Variants in VAT1L observed in about 807,000 individuals in gnomAD.
The protein encoded by VAT1L is vesicle amine transport 1 like.
VAT1L carries 34 observed loss-of-function variants against 44.1 expected under a neutral mutation model. That is an observed-to-expected ratio of 0.77 (90% CI 0.59 to 1.03). VAT1L has a LOEUF of 1.03. Ranked by LOEUF, VAT1L falls within the 50% of genes least tolerant of loss-of-function variation. VAT1L has a pLI of 0.00. For synonymous variants in VAT1L, 253 were observed against 202.2 expected (o/e 1.25, Z -2.13); for missense variants, 615 against 538.8 (o/e 1.14, Z -1.40).
chr16:77,867,721 A>G (rs576402538), intron 4 of VAT1L, among the ~76,000 whole-genome samples: 1 of 152,128 alleles, frequency 6.6e-6, no homozygotes, highest in African/African-American at 2.4e-5. Context: ...TAGCCAGGTG[A>G]GGTGGTGCAC....
intron 7 of VAT1L, among the ~76,000 whole-genome samples, chr16:77,934,321 G>A (rs891044664): frequency 1.3e-5 from 2 of 152,046 alleles, no homozygotes; most frequent in South Asian, 2.1e-4. Context: ...ACACCCCCAA[G>A]ATGACCCTGT....
At position 77,977,495 on chromosome 16, in the gene VAT1L, T is replaced by G. The variant is rs74027278; in HGVS notation, c.1162-102T>G. ...CTTCCAGGGAAACAAGCAACCCTAG[T>G]TCCTAGCCCCCAAGAAGTCCTCCCA... On this transcript the variant is annotated intron_variant, in intron 8 of 8. Transcript: ENST00000302536. The G allele has an allele frequency of 3.0e-3, 3,590 of 1,187,558 alleles. 87 individuals carry two copies. In the African/African-American group the frequency reaches 0.05, roughly 17 times the overall value. 73.6% of individuals were successfully genotyped at this position (1,187,558 alleles called of 1,614,324 possible).
chr16:77,975,968 C>T (rs942133700), intron 8 of VAT1L, among the ~76,000 whole-genome samples: 1 of 152,200 alleles, frequency 6.6e-6, no homozygotes, highest in Non-Finnish European at 1.5e-5. Context: ...GAACTAACAA[C>T]AATAATTACT....
chr16:77,797,993 T>C (rs748896633), intron 1 of VAT1L, among the ~76,000 whole-genome samples: 2 of 152,226 alleles, frequency 1.3e-5, no homozygotes, highest in Non-Finnish European at 2.9e-5. Flanking sequence ...GAAGCTGTTT[T>C]ATCTTTGAAC....
At chr16:77,904,013 G>GCCTCCCAAA (rs2017412827) in intron 7 of VAT1L, among the ~76,000 whole-genome samples, 1 of 151,990 alleles carries the variant, frequency 6.6e-6, no homozygotes. Flanking sequence ...TGAGATTACA[G>GCCTCCCAAA]GTATGAGCCA....
At chr16:77,796,913 G>A (rs142400255) in intron 1 of VAT1L, among the ~76,000 whole-genome samples, 174 of 152,278 alleles carry the variant, frequency 1.1e-3, no homozygotes, top group African/African-American at 3.9e-3. Flanking sequence ...TCACTTAGAA[G>A]TGGGTACCTA....
intron 5 of VAT1L, among the ~76,000 whole-genome samples, chr16:77,878,710 A>G (rs905642201): frequency 2.0e-5 from 3 of 152,030 alleles, no homozygotes; most frequent in East Asian, 1.9e-4. Flanking sequence ...CAATCCATCT[A>G]TATTTTAACT....
chr16:77,891,171 G>A (rs559766733), intron 7 of VAT1L, among the ~76,000 whole-genome samples: 3 of 152,004 alleles, frequency 2.0e-5, no homozygotes, highest in East Asian at 1.9e-4. Flanking sequence ...TGGCTAACAC[G>A]GTGAAACCCC....
At position 77,909,599 on chromosome 16, in the gene VAT1L, C is replaced by T. The variant is rs1245430236; in HGVS notation, c.1077+24797C>T. Among the ~76,000 whole-genome samples the T allele has an allele frequency of 8.1e-5, 12 of 147,890 alleles. 1 individual carries two copies. Among genetic ancestry groups the T allele is most frequent in the South Asian group, 2.2e-4 (1 of 4,598 alleles). On this transcript the variant is annotated intron_variant, in intron 7 of 8. Transcript: ENST00000302536. ...TTGCAGTGAGCTGAGATCGCAACAC[C>T]GCACTCCAGCCTGGGCGACAGAGGG...
chr16:77,891,073 G>A (rs538326712), intron 7 of VAT1L, among the ~76,000 whole-genome samples: 17 of 151,988 alleles, frequency 1.1e-4, no homozygotes, highest in African/African-American at 3.9e-4. Flanking sequence ...TCAGCTTCTC[G>A]GCCGGGCGTG....
intron 7 of VAT1L, among the ~76,000 whole-genome samples, chr16:77,960,212 G>A (rs554799566): frequency 6.6e-6 from 1 of 152,270 alleles, no homozygotes; most frequent in East Asian, 1.9e-4. Flanking sequence ...AGGGGGTCTT[G>A]TAGGGGGTTG....
At chr16:77,806,537 GTTTCACCATGTT>G (rs2016163159) in intron 1 of VAT1L, among the ~76,000 whole-genome samples, 1 of 150,578 alleles carries the variant, frequency 6.6e-6, no homozygotes, top group Non-Finnish European at 1.5e-5. Flanking sequence ...GTAGAGACAG[GTTTCACCATGTT>G]AGCCAGCATG....
intron 1 of VAT1L, among the ~76,000 whole-genome samples, chr16:77,799,504 GGTGTGTGTGTGTGTGTGTGTGTGTGT>G (rs10525414): frequency 7.1e-5 from 10 of 140,890 alleles, no homozygotes; most frequent in African/African-American, 1.7e-4. Flanking sequence ...TGGAATACAT[GGTGTGTGTGTGTGTGTGTGTGTGTGT>G]GTGTGTGTGT....
intron 7 of VAT1L, among the ~76,000 whole-genome samples, chr16:77,970,233 C>T (rs138625064): frequency 8.5e-4 from 129 of 152,132 alleles, no homozygotes; most frequent in African/African-American, 3.0e-3. Context: ...AAGACCCTGT[C>T]CCCCCAAAAA....
At chr16:77,855,873 C>T (rs1356502611) in intron 3 of VAT1L, among the ~76,000 whole-genome samples, 1 of 152,090 alleles carries the variant, frequency 6.6e-6, no homozygotes, top group Non-Finnish European at 1.5e-5. Context: ...CAAAAATTAG[C>T]CGGGCATGGT....
intron 3 of VAT1L, among the ~76,000 whole-genome samples, chr16:77,841,148 G>A (rs530812651): frequency 2.6e-5 from 4 of 152,218 alleles, no homozygotes; most frequent in East Asian, 3.9e-4. Context: ...TAGTGCAATC[G>A]GGGCTCACTG....
intron 3 of VAT1L, among the ~76,000 whole-genome samples, chr16:77,861,572 T>C (rs1238386058): frequency 6.6e-6 from 1 of 152,264 alleles, no homozygotes; most frequent in African/African-American, 2.4e-5. Context: ...GTGTCACATT[T>C]TGTGCCAGGT....
chr16:77,895,117 C>CACACACACACACACACA (rs1567500916), intron 7 of VAT1L, among the ~76,000 whole-genome samples: 2 of 151,326 alleles, frequency 1.3e-5, no homozygotes, highest in African/African-American at 4.9e-5. Context: ...CACACACACA[C>CACACACACACACACACA]TCACACATTT....
chr16:77,871,124 T>C (rs2017027416), intron 4 of VAT1L, among the ~76,000 whole-genome samples: 1 of 152,166 alleles, frequency 6.6e-6, no homozygotes, highest in Non-Finnish European at 1.5e-5. Flanking sequence ...CAATAGCTGC[T>C]GGAATGGTTT....
Sources: allele counts gnomAD v4.1 joint callset (sites outside exome capture counted in the v4.1 genomes callset), GRCh38; gene constraint gnomAD v4.1.1; transcripts MANE v1.5; gene names NCBI Gene and HGNC (gene_info 2026-07-23, HGNC 2026-07-21).